PPM1E: variants seen among roughly 807,000 people sequenced by gnomAD.
The protein encoded by PPM1E is protein phosphatase, Mg2+/Mn2+ dependent 1E.
A neutral mutation model predicts 65.9 loss-of-function variants in PPM1E; 20 were observed. The ratio of observed to expected loss-of-function variants is 0.30; its 90% CI spans 0.21 to 0.44. The LOEUF (loss-of-function observed/expected upper bound fraction) is 0.44. Among genes scored for constraint, PPM1E ranks in the 20% least tolerant of loss-of-function variants. The probability of loss-of-function intolerance (pLI) is 1.00; values close to 1 mark genes in which losing one functional copy is unlikely to be tolerated. For synonymous variants in PPM1E, 352 were observed against 374.9 expected, an observed-to-expected ratio of 0.94 and a Z score of 0.70; for missense variants, 713 against 953.1, an observed-to-expected ratio of 0.75 and a Z score of 3.32.
chr17:58,969,503 C>G (rs752223548), intron 3 of PPM1E, 36 bp from the exon 4 acceptor site: 1 of 1,605,514 alleles, frequency 6.2e-7, no homozygotes, highest in Non-Finnish European at 8.5e-7. Flanking sequence ...CATGCTATAC[C>G]CAACTCCCAT....
intron 1 of PPM1E, among the ~76,000 whole-genome samples, chr17:58,858,197 C>T (rs1041746112): frequency 6.6e-6 from 1 of 151,994 alleles, no homozygotes; most frequent in African/African-American, 2.4e-5. Context: ...TTTTAATCAA[C>T]ACATAATTGT....
intron 1 of PPM1E, among the ~76,000 whole-genome samples, chr17:58,762,075 C>T (rs983213052): frequency 1.3e-5 from 2 of 152,170 alleles, no homozygotes; most frequent in African/African-American, 4.8e-5. Context: ...ACCGTGGCAT[C>T]CTTTCTCCAA....
intron 1 of PPM1E, among the ~76,000 whole-genome samples, chr17:58,837,164 C>T (rs1038014328): frequency 1.3e-5 from 2 of 150,256 alleles, no homozygotes; most frequent in African/African-American, 4.9e-5. Flanking sequence ...ATCACTTGAG[C>T]CCAGGAGCCC....
chr17:58,956,144 A>G (rs998490833), intron 2 of PPM1E, among the ~76,000 whole-genome samples: 1 of 152,146 alleles, frequency 6.6e-6, no homozygotes, highest in African/African-American at 2.4e-5. Context: ...TACCTTTAAA[A>G]ATCCAAGTTA....
At chr17:58,857,214 T>C (rs2050892373) in intron 1 of PPM1E, among the ~76,000 whole-genome samples, 2 of 152,218 alleles carry the variant, frequency 1.3e-5, no homozygotes, top group African/African-American at 4.8e-5. Flanking sequence ...TCAGAAAATG[T>C]AACATTGATA....
intron 1 of PPM1E, among the ~76,000 whole-genome samples, chr17:58,889,780 A>G (rs2051323642): frequency 6.6e-6 from 1 of 152,224 alleles, no homozygotes; most frequent in Non-Finnish European, 1.5e-5. Flanking sequence ...TATGTGAGAT[A>G]TTACTGCCCT....
intron 1 of PPM1E, among the ~76,000 whole-genome samples, chr17:58,766,264 C>T (rs1239339948): frequency 9.2e-5 from 13 of 140,898 alleles, no homozygotes; most frequent in South Asian, 6.8e-4. Flanking sequence ...TGCAGTGGCA[C>T]GATCTCGGCT....
At chr17:58,805,969 AAAAACAAAAAAAAAACAAAAC>A (rs1158119791) in intron 1 of PPM1E, among the ~76,000 whole-genome samples, 7 of 118,362 alleles carry the variant, frequency 5.9e-5, no homozygotes, top group African/African-American at 1.5e-4. Flanking sequence ...AACAAAAAAA[AAAAACAAAAAAAAAACAAAAC>A]AAAACAAAAC....
chr17:58,955,646 C>G lies in PPM1E; in HGVS notation c.465-3C>G. On this transcript the variant is annotated splice_region_variant and splice_polypyrimidine_tract_variant and intron_variant, in intron 1 of 6. Transcript: ENST00000308249. ...AAATGGCCTTTTATCTTTTTTCTTG[C>G]AGTAATTGCCCTTCCTTTTTGGCTG... 1 of 1,612,408 alleles carries G rather than the reference C, an allele frequency of 6.2e-7. No individual in the cohort carries two copies. The highest frequency in any genetic ancestry group is 8.5e-7 in the Non-Finnish European group (1 of 1,179,624).
At chr17:58,830,681 T>A (rs564268753) in intron 1 of PPM1E, among the ~76,000 whole-genome samples, 2 of 152,116 alleles carry the variant, frequency 1.3e-5, no homozygotes, top group African/African-American at 4.8e-5. Context: ...TTTATTTTTT[T>A]TTATTTTTTA....
intron 1 of PPM1E, among the ~76,000 whole-genome samples, chr17:58,954,648 C>G (rs973003578): frequency 1.3e-4 from 20 of 151,890 alleles, no homozygotes; most frequent in African/African-American, 3.6e-4. Context: ...GAGACTGAGG[C>G]AGATGGATCA....
Position 58,946,285 on chromosome 17 carries a change from C to T in PPM1E, c.465-9364C>T, listed in dbSNP as rs139687136. Among the ~76,000 whole-genome samples the T allele has an allele frequency of 6.2e-3, 950 of 152,226 alleles. 5 individuals are homozygous for T. The highest frequency in any genetic ancestry group is 8.4e-3 in the African/African-American group (351 of 41,560). Reference sequence around the variant, plus strand: ...AGGGGCTCTGTGTCAGGAACCAAGGCGGAGGACAAATATTTATTTCCAATT... The same window carrying T: ...AGGGGCTCTGTGTCAGGAACCAAGGTGGAGGACAAATATTTATTTCCAATT... On this transcript the variant is annotated intron_variant, in intron 1 of 6. Coordinates refer to ENST00000308249, the MANE Select transcript of PPM1E (RefSeq NM_014906.5).
chr17:58,945,294 C>CA (rs1341387777), intron 1 of PPM1E, among the ~76,000 whole-genome samples: 1 of 152,016 alleles, frequency 6.6e-6, no homozygotes, highest in Non-Finnish European at 1.5e-5. Flanking sequence ...ACAGGCATGC[C>CA]ACCACACTCA....
intron 2 of PPM1E, among the ~76,000 whole-genome samples, chr17:58,961,984 GATTA>G (rs1302043766): frequency 1.3e-5 from 2 of 151,990 alleles, no homozygotes; most frequent in African/African-American, 4.8e-5. Flanking sequence ...GCACCCTACT[GATTA>G]ATTTAAATAA....
intron 1 of PPM1E, among the ~76,000 whole-genome samples, chr17:58,804,478 C>T (rs532355163): frequency 3.9e-5 from 6 of 152,080 alleles, no homozygotes; most frequent in Non-Finnish European, 8.8e-5. Context: ...TATGAGTTCT[C>T]AATATTTTCA....
intron 1 of PPM1E, among the ~76,000 whole-genome samples, chr17:58,836,635 T>C (rs886317288): frequency 1.3e-5 from 2 of 150,966 alleles, no homozygotes; most frequent in African/African-American, 4.8e-5. Flanking sequence ...CAGCTAGTTT[T>C]TGTATTTTTA....
At chr17:58,839,014 G>T (rs2050690727) in intron 1 of PPM1E, among the ~76,000 whole-genome samples, 1 of 151,948 alleles carries the variant, frequency 6.6e-6, no homozygotes, top group Admixed American at 6.6e-5. Context: ...TCGGGTTGTG[G>T]ACAGTAGTGA....
intron 1 of PPM1E, among the ~76,000 whole-genome samples, chr17:58,816,182 C>T (rs868520843): frequency 5.9e-5 from 9 of 151,872 alleles, no homozygotes; most frequent in South Asian, 4.2e-4. Flanking sequence ...CGTGCCACCA[C>T]GCCCAGCTAA....
At chr17:58,918,460 T>G (rs1418559450) in intron 1 of PPM1E, among the ~76,000 whole-genome samples, 2 of 152,220 alleles carry the variant, frequency 1.3e-5, no homozygotes, top group Non-Finnish European at 2.9e-5. Flanking sequence ...TGTTAATTTA[T>G]GATCTTTAGT....
Sources: gnomAD v4.1 joint callset for allele counts (sites outside exome capture counted in the v4.1 genomes callset) on GRCh38, gnomAD v4.1.1 for gene constraint, MANE v1.5 for transcripts, NCBI Gene and HGNC (gene_info 2026-07-23, HGNC 2026-07-21) for gene names.